The following EPCIP variants were observed in gnomAD, a reference collection of about 807,000 sequenced individuals.
EPCIP encodes the protein exosomal polycystin-1-interacting protein.
At chr21:32,801,978 A>G in the EPCIP span, among the ~76,000 whole-genome samples, 2 of 152,210 alleles carry the variant, frequency 1.3e-5, no homozygotes, top group Non-Finnish European at 2.9e-5. Context: ...TATAAGAGTC[A>G]TTGGCGCAGA....
chr21:32,808,691 A>G, the EPCIP span, among the ~76,000 whole-genome samples: 1 of 152,210 alleles, frequency 6.6e-6, no homozygotes, highest in African/African-American at 2.4e-5. Context: ...GGTGAAATCT[A>G]AGGACATCTG....
chr21:32,803,604 T>C, the EPCIP span, among the ~76,000 whole-genome samples: 1 of 150,464 alleles, frequency 6.6e-6, no homozygotes, highest in African/African-American at 2.4e-5. Flanking sequence ...ACGAATGCAC[T>C]GCAGGAGATA....
the EPCIP span, among the ~76,000 whole-genome samples, chr21:32,809,279 C>CCTTCCTTTCTTCCTTTCTTT: frequency 3.7e-5 from 3 of 80,066 alleles, no homozygotes; most frequent in African/African-American, 1.4e-4. Flanking sequence ...CTCCCTCCTT[C>CCTTCCTTTCTTCCTTTCTTT]CTTTCTTTCT....
the EPCIP span, among the ~76,000 whole-genome samples, chr21:32,795,796 A>G: frequency 6.6e-6 from 1 of 152,250 alleles, no homozygotes; most frequent in Non-Finnish European, 1.5e-5. Context: ...GATCGGGTAG[A>G]CAGGCAGGAG....
At chr21:32,806,373 A>G in the EPCIP span, among the ~76,000 whole-genome samples, 3 of 152,338 alleles carry the variant, frequency 2.0e-5, no homozygotes, top group South Asian at 6.2e-4. Context: ...GGTAAGGGAC[A>G]GTCAGCATCC....
chr21:32,794,071 C>G, the EPCIP span: 1 of 1,614,180 alleles, frequency 6.2e-7, no homozygotes, highest in African/African-American at 1.3e-5. Context: ...CACAAATAGC[C>G]AGGTATTCAG....
At chr21:32,813,618 G>A in the EPCIP span, 41 of 471,040 alleles carry the variant, frequency 8.7e-5, 1 homozygote, top group Non-Finnish European at 1.6e-4. Context: ...GTGAGGCCTC[G>A]CCTCTCCACT....
chr21:32,793,697 C>T, the EPCIP span: 3 of 1,499,028 alleles, frequency 2.0e-6, no homozygotes, highest in South Asian at 2.3e-5. Flanking sequence ...GCCTTATTTC[C>T]AGATTCCTTC....
chr21:32,793,123 A>G, the EPCIP span, among the ~76,000 whole-genome samples: 1 of 151,916 alleles, frequency 6.6e-6, no homozygotes, highest in African/African-American at 2.4e-5. Flanking sequence ...ATGCCCGGCT[A>G]ATTTTGTATT....
At chr21:32,802,529 G>C in the EPCIP span, among the ~76,000 whole-genome samples, 1 of 152,230 alleles carries the variant, frequency 6.6e-6, no homozygotes, top group African/African-American at 2.4e-5. Flanking sequence ...AGTCAGGACA[G>C]TGAATTCTAA....
chr21:32,809,279 CCTTTCTTT>C, the EPCIP span, among the ~76,000 whole-genome samples: 1,404 of 80,034 alleles, frequency 0.018, 19 homozygotes, highest in South Asian at 0.036. Flanking sequence ...CTCCCTCCTT[CCTTTCTTT>C]CTTTCTTTCT....
chr21:32,809,182 CGTGTGT>C, the EPCIP span, among the ~76,000 whole-genome samples: 395 of 121,136 alleles, frequency 3.3e-3, 2 homozygotes, highest in South Asian at 4.8e-3. Flanking sequence ...TCGAGGGGTG[CGTGTGT>C]GTGTGTGTGT....
At chr21:32,802,256 G>T in the EPCIP span, among the ~76,000 whole-genome samples, 1 of 152,146 alleles carries the variant, frequency 6.6e-6, no homozygotes, top group Admixed American at 6.6e-5. Context: ...CATATCATCT[G>T]TATTATCAAC....
At chr21:32,812,469 AG>A in the EPCIP span, among the ~76,000 whole-genome samples, 7 of 152,366 alleles carry the variant, frequency 4.6e-5, no homozygotes, top group African/African-American at 1.7e-4. Context: ...AGTGTGGAAA[AG>A]AAAGATGAGA....
At chr21:32,798,330 A>C in the EPCIP span, 1 of 152,252 alleles carries the variant, frequency 6.6e-6, no homozygotes, top group Admixed American at 6.5e-5. Context: ...TAGGGACACA[A>C]GTGCAGGTTC....
At chr21:32,805,913 A>C in the EPCIP span, among the ~76,000 whole-genome samples, 3 of 152,124 alleles carry the variant, frequency 2.0e-5, no homozygotes, top group African/African-American at 7.2e-5. Flanking sequence ...CCAAGCCCAA[A>C]TGGATACATC....
the EPCIP span, among the ~76,000 whole-genome samples, chr21:32,808,808 TCTA>T: frequency 1.3e-5 from 2 of 152,220 alleles, no homozygotes. Context: ...ATAAGAACTC[TCTA>T]TTATCTTCAC....
At chr21:32,809,277 T>TCCCTCCC in the EPCIP span, among the ~76,000 whole-genome samples, 12 of 112,156 alleles carry the variant, frequency 1.1e-4, no homozygotes, top group Admixed American at 7.5e-4. Context: ...CCCTCCCTCC[T>TCCCTCCC]TCCTTTCTTT....
chr21:32,806,805 T>C, the EPCIP span, among the ~76,000 whole-genome samples: 2,017 of 152,314 alleles, frequency 0.013, 52 homozygotes, highest in African/African-American at 0.046. Flanking sequence ...GTTGGTTTAC[T>C]GTGGGGTTTT....
Sources: allele counts gnomAD v4.1 joint callset (sites outside exome capture counted in the v4.1 genomes callset), GRCh38; gene constraint gnomAD v4.1.1; transcripts MANE v1.5; gene names NCBI Gene and HGNC (gene_info 2026-07-23, HGNC 2026-07-21).